The following GDPD4 variants were observed in gnomAD, a reference collection of about 807,000 sequenced individuals.
GDPD4 encodes the protein glycerophosphodiester phosphodiesterase 6.
A neutral mutation model predicts 67.8 loss-of-function variants in GDPD4; 60 were observed. The observed-to-expected ratio is 0.88, with a 90% CI of 0.72 to 1.10. The LOEUF (loss-of-function observed/expected upper bound fraction) is 1.10, where lower values mean the gene tolerates loss of function less well. Among genes scored for constraint, GDPD4 ranks in the 50% least tolerant of loss-of-function variants. GDPD4 has a pLI of 0.00. For synonymous variants in GDPD4, 212 were observed against 210.9 expected (o/e 1.00, Z -0.04); for missense variants, 623 against 613.9 (o/e 1.01, Z -0.16).
chr11:77,268,078 C>T (rs1015728596), intron 10 of GDPD4, among the ~76,000 whole-genome samples: 4 of 152,130 alleles, frequency 2.6e-5, no homozygotes, highest in Non-Finnish European at 4.4e-5. Context: ...GGTATGACTA[C>T]ATCTTATTCA....
intron 13 of GDPD4, among the ~76,000 whole-genome samples, chr11:77,237,765 C>A (rs1958593348): frequency 1.3e-5 from 2 of 152,100 alleles, no homozygotes; most frequent in Admixed American, 1.3e-4. Flanking sequence ...AACAAAGAAA[C>A]AATATATCAA....
At chr11:77,294,395 C>A (rs1362137489) in intron 1 of GDPD4, among the ~76,000 whole-genome samples, 1 of 152,112 alleles carries the variant, frequency 6.6e-6, no homozygotes. Context: ...CAAACACATA[C>A]TTAGGTATAA....
chr11:77,256,844 T>C (rs1311984989), intron 11 of GDPD4, among the ~76,000 whole-genome samples: 1 of 152,212 alleles, frequency 6.6e-6, no homozygotes, highest in African/African-American at 2.4e-5. Context: ...GCCGAGCAGA[T>C]GCTGGTATCA....
chr11:77,267,818 C>A (rs1276122656), intron 10 of GDPD4, among the ~76,000 whole-genome samples: 1 of 152,006 alleles, frequency 6.6e-6, no homozygotes, highest in Non-Finnish European at 1.5e-5. Context: ...AGAATGAATT[C>A]CCTGGAATTT....
chr11:77,296,964 G>C (rs1359868259), intron 1 of GDPD4, among the ~76,000 whole-genome samples: 1 of 150,312 alleles, frequency 6.7e-6, no homozygotes, highest in Non-Finnish European at 1.5e-5. Context: ...TGAGGCAGAA[G>C]AATCGCTTGA....
chr11:77,268,034 C>T (rs1389403304), intron 10 of GDPD4, among the ~76,000 whole-genome samples: 1 of 152,068 alleles, frequency 6.6e-6, no homozygotes, highest in African/African-American at 2.4e-5. Flanking sequence ...CTGTAAACAT[C>T]CCATGTCTCC....
intron 10 of GDPD4, among the ~76,000 whole-genome samples, chr11:77,260,802 T>G (rs1238292492): frequency 6.6e-6 from 1 of 152,148 alleles, no homozygotes; most frequent in Non-Finnish European, 1.5e-5. Flanking sequence ...GATCAGATAT[T>G]GCAGATCATG....
intron 1 of GDPD4, among the ~76,000 whole-genome samples, chr11:77,289,625 C>T (rs563945584): frequency 1.3e-4 from 19 of 147,274 alleles, no homozygotes; most frequent in Middle Eastern, 3.7e-3. Flanking sequence ...CAGTTACTTG[C>T]GAGGCTGAGG....
At chr11:77,223,836 C>G (rs113092447) in intron 16 of GDPD4, among the ~76,000 whole-genome samples, 2,438 of 152,266 alleles carry the variant, frequency 0.016, 24 homozygotes, top group African/African-American at 0.025. Flanking sequence ...TCCTTGAGCT[C>G]CGGTGGGCTC....
At chr11:77,239,363 A>C (rs1480416161) in intron 13 of GDPD4, among the ~76,000 whole-genome samples, 1 of 152,242 alleles carries the variant, frequency 6.6e-6, no homozygotes, top group African/African-American at 2.4e-5. Flanking sequence ...AGAGAAAGAA[A>C]GAAAAGGCAT....
At chr11:77,299,132 T>C (rs531161489) in intron 1 of GDPD4, among the ~76,000 whole-genome samples, 2 of 152,270 alleles carry the variant, frequency 1.3e-5, no homozygotes, top group East Asian at 3.9e-4. Context: ...CTGGACCCTC[T>C]TTATGAGACA....
intron 15 of GDPD4, among the ~76,000 whole-genome samples, chr11:77,228,852 A>G (rs1000127336): frequency 3.3e-5 from 5 of 152,192 alleles, no homozygotes; most frequent in African/African-American, 1.2e-4. Context: ...GGGAAGGTGG[A>G]GGCACTTGTT....
chr11:77,291,919 C>G (rs1823807), intron 1 of GDPD4, among the ~76,000 whole-genome samples: 14,264 of 152,006 alleles, frequency 0.094, 1,202 homozygotes, highest in East Asian at 0.24. Context: ...AATCCCAGCT[C>G]CTTGGGAGGC....
At chr11:77,292,816 C>T (rs1937824628) in intron 1 of GDPD4, among the ~76,000 whole-genome samples, 1 of 152,062 alleles carries the variant, frequency 6.6e-6, no homozygotes, top group African/African-American at 2.4e-5. Context: ...GAATTTGGTA[C>T]AACTTCATTC....
At chr11:77,268,878 C>G in intron 9 of GDPD4, 46 bp downstream of exon 9, 1 of 1,588,028 alleles carries the variant, frequency 6.3e-7, no homozygotes, top group Non-Finnish European at 8.6e-7. Context: ...GACCACATAC[C>G]CCACACATAC....
intron 5 of GDPD4, among the ~76,000 whole-genome samples, chr11:77,272,701 G>A (rs1239004541): frequency 6.6e-6 from 1 of 151,910 alleles, no homozygotes. Flanking sequence ...GCTTGAACCC[G>A]GGAGGCAGAA....
intron 10 of GDPD4, among the ~76,000 whole-genome samples, chr11:77,263,779 A>G (rs906108941): frequency 7.2e-5 from 11 of 152,118 alleles, no homozygotes; most frequent in African/African-American, 2.2e-4. Flanking sequence ...TTTGTTCATC[A>G]TGGATGCTAA....
At chr11:77,235,009 G>GTTTTTTGTTTTTTTTTTTTT (rs1958524952) in intron 13 of GDPD4, among the ~76,000 whole-genome samples, 1 of 52,254 alleles carries the variant, frequency 1.9e-5, no homozygotes, top group African/African-American at 6.3e-5. Flanking sequence ...GTCAATATCT[G>GTTTTTTGTTTTTTTTTTTTT]TTTTTTTTTT....
chr11:77,252,392 G>A (rs1958924262), intron 11 of GDPD4, among the ~76,000 whole-genome samples: 1 of 152,038 alleles, frequency 6.6e-6, no homozygotes, highest in Admixed American at 6.6e-5. Flanking sequence ...CTATGTTTTT[G>A]TTGAATTTAT....
Sources: gnomAD v4.1 joint callset for allele counts (sites outside exome capture counted in the v4.1 genomes callset) on GRCh38, gnomAD v4.1.1 for gene constraint, MANE v1.5 for transcripts, NCBI Gene and HGNC (gene_info 2026-07-23, HGNC 2026-07-21) for gene names.